Variants in ADAM12 observed in about 807,000 individuals in gnomAD.
ADAM12 encodes disintegrin and metalloproteinase domain-containing protein 12.
ADAM12 carries 70 observed loss-of-function variants against 106.4 expected under a neutral mutation model. That is an observed-to-expected ratio of 0.66 (90% confidence interval 0.54 to 0.80). The LOEUF (loss-of-function observed/expected upper bound fraction) is 0.80, where lower values mean the gene tolerates loss of function less well. Ranked by LOEUF, ADAM12 falls within the 30% of genes least tolerant of loss-of-function variation. ADAM12 has a pLI of 0.00. For synonymous variants in ADAM12, 420 were observed against 433.5 expected, an observed-to-expected ratio of 0.97 and a Z score of 0.39; for missense variants, 1,010 against 1,171.9, an observed-to-expected ratio of 0.86 and a Z score of 2.02.
chr10:126,124,233 T>C (rs1289958362), intron 5 of ADAM12, among the ~76,000 whole-genome samples: 1 of 152,028 alleles, frequency 6.6e-6, no homozygotes, highest in African/African-American at 2.4e-5. Flanking sequence ...ACTTTTGGTC[T>C]CAGTGTGGTG....
At chr10:126,378,472 T>C (rs1856371953) in intron 1 of ADAM12, among the ~76,000 whole-genome samples, 1 of 152,216 alleles carries the variant, frequency 6.6e-6, no homozygotes, top group Non-Finnish European at 1.5e-5. Context: ...AAAATATATA[T>C]TGATTTTTTA....
At chr10:126,375,505 T>A (rs1856255589) in intron 1 of ADAM12, among the ~76,000 whole-genome samples, 1 of 152,092 alleles carries the variant, frequency 6.6e-6, no homozygotes, top group Admixed American at 6.5e-5. Flanking sequence ...CCAAAGTTAC[T>A]GACTACCTTT....
At chr10:126,347,448 C>T (rs918604301) in intron 1 of ADAM12, among the ~76,000 whole-genome samples, 3 of 152,158 alleles carry the variant, frequency 2.0e-5, no homozygotes, top group Non-Finnish European at 4.4e-5. Context: ...TCTGGCTGCC[C>T]TTAACATTCT....
chr10:126,019,075 C>A (rs925739756), intron 22 of ADAM12, among the ~76,000 whole-genome samples: 1 of 152,082 alleles, frequency 6.6e-6, no homozygotes, highest in Non-Finnish European at 1.5e-5. Context: ...TGGTTTAGCA[C>A]CATCTCCTTG....
intron 3 of ADAM12, among the ~76,000 whole-genome samples, chr10:126,214,746 C>T (rs1482117179): frequency 3.9e-5 from 6 of 152,204 alleles, no homozygotes; most frequent in South Asian, 2.1e-4. Flanking sequence ...CTATGATGTT[C>T]ATTATGACTC....
chr10:126,285,966 G>A (rs1959835725), intron 2 of ADAM12, among the ~76,000 whole-genome samples: 1 of 119,284 alleles, frequency 8.4e-6, no homozygotes, highest in South Asian at 3.1e-4. Context: ...TGATTAGATT[G>A]ATTTCCCTAT....
At position 126,209,413 on chromosome 10, in the gene ADAM12, T is replaced by C. The variant is rs543430419; in HGVS notation, c.261-54108A>G. On this transcript the variant is annotated intron_variant, in intron 3 of 22. Coordinates refer to ENST00000448723, the MANE Select transcript of ADAM12 (RefSeq NM_001288973.2). ...CTTGTCTTGGCAGGAAAGACAAAAC[T>C]GTCTTAAGCAGAGATTATTCTTTAG... Among the ~76,000 whole-genome samples the C allele has an allele frequency of 3.9e-5, 6 of 152,352 alleles. No individual in the cohort carries two copies. In the East Asian group the frequency reaches 7.7e-4, roughly 20 times the overall value.
intron 2 of ADAM12, among the ~76,000 whole-genome samples, chr10:126,284,923 C>T (rs1446016157): frequency 6.6e-6 from 1 of 152,228 alleles, no homozygotes; most frequent in East Asian, 1.9e-4. Context: ...CCCATACACA[C>T]TTGTCTGTCT....
At chr10:126,196,724 T>A (rs1957603277) in intron 3 of ADAM12, among the ~76,000 whole-genome samples, 1 of 152,172 alleles carries the variant, frequency 6.6e-6, no homozygotes, top group African/African-American at 2.4e-5. Flanking sequence ...AAAGTCATAG[T>A]TCATGGTAAC....
At chr10:126,254,840 C>T (rs571345915) in intron 3 of ADAM12, among the ~76,000 whole-genome samples, 1 of 152,346 alleles carries the variant, frequency 6.6e-6, no homozygotes, top group African/African-American at 2.4e-5. Context: ...TAAGAGTGTA[C>T]TGACAGCCTG....
rs540662406 is a variant in ADAM12 at position 126,278,700 on chromosome 10, T to C, written c.260+215A>G. On this transcript the variant is annotated intron_variant, in intron 3 of 22. Coordinates refer to ENST00000448723, the MANE Select transcript of ADAM12 (RefSeq NM_001288973.2). ...AAACATCAGAACTATGAAAAAATAG[T>C]GTTGAGTTATAAAGTTCCTTAATAG... is the stretch of plus-strand genomic sequence containing the variant. 7.9e-4 allele frequency among the ~76,000 whole-genome samples: 120 copies of C among 152,294 alleles called. 1 individual carries two copies. Among genetic ancestry groups the C allele is most frequent in the African/African-American group, 2.8e-3 (116 of 41,568 alleles).
At chr10:126,169,367 G>C (rs1388631145) in intron 3 of ADAM12, among the ~76,000 whole-genome samples, 2 of 152,196 alleles carry the variant, frequency 1.3e-5, no homozygotes, top group Non-Finnish European at 2.9e-5. Flanking sequence ...TCATTTATTT[G>C]CTCTGTCATT....
intron 3 of ADAM12, among the ~76,000 whole-genome samples, chr10:126,156,812 G>C (rs562468160): frequency 1.3e-5 from 2 of 152,344 alleles, no homozygotes; most frequent in Non-Finnish European, 1.5e-5. Flanking sequence ...ATAATGTCAA[G>C]GTCAGGGCCT....
intron 18 of ADAM12, chr10:126,041,978 C>G (rs1954183531): frequency 8.4e-6 from 12 of 1,431,054 alleles, no homozygotes; most frequent in Non-Finnish European, 1.1e-5. Flanking sequence ...GTAGGCTGGA[C>G]TTCCCCTCCT....
intron 3 of ADAM12, among the ~76,000 whole-genome samples, chr10:126,187,160 G>A (rs963319256): frequency 1.3e-5 from 2 of 152,018 alleles, no homozygotes; most frequent in African/African-American, 4.8e-5. Context: ...TCTGTATCGT[G>A]GGAATTACTA....
chr10:126,041,755 C>T, intron 18 of ADAM12: 26 of 1,053,634 alleles, frequency 2.5e-5, no homozygotes, highest in Non-Finnish European at 3.0e-5. Flanking sequence ...AAAGGGGACA[C>T]TGGGCCCAAC....
At chr10:126,156,828 G>T (rs1956825718) in intron 3 of ADAM12, among the ~76,000 whole-genome samples, 1 of 152,236 alleles carries the variant, frequency 6.6e-6, no homozygotes, top group African/African-American at 2.4e-5. Context: ...GGCCTGAAAG[G>T]CCTGGAGTCT....
chr10:126,177,042 G>GCACACACACACA (rs150341109), intron 3 of ADAM12, among the ~76,000 whole-genome samples: 1 of 150,700 alleles, frequency 6.6e-6, no homozygotes, highest in African/African-American at 2.4e-5. Flanking sequence ...GTGCACATGT[G>GCACACACACACA]CACACACACA....
intron 21 of ADAM12, among the ~76,000 whole-genome samples, chr10:126,022,247 C>G (rs7074785): frequency 2.6e-5 from 4 of 152,154 alleles, no homozygotes; most frequent in Non-Finnish European, 4.4e-5. Flanking sequence ...GGCATGTCTC[C>G]TACTTTAGAA....
Sources: allele counts gnomAD v4.1 joint callset (sites outside exome capture counted in the v4.1 genomes callset), GRCh38; gene constraint gnomAD v4.1.1; transcripts MANE v1.5; gene names NCBI Gene and HGNC (gene_info 2026-07-23, HGNC 2026-07-21).